Variants in KPNA4 observed in about 807,000 individuals in gnomAD.
The protein encoded by KPNA4 is importin subunit alpha-3.
In KPNA4, 13 loss-of-function variants were observed where a neutral mutation model predicts 71.3. The observed-to-expected ratio is 0.18, with a 90% confidence interval of 0.12 to 0.29. The LOEUF is 0.29. KPNA4 is among the 10% of genes least tolerant of loss of function. The pLI is 1.00. For missense variants in KPNA4, 334 were observed against 603.2 expected, an observed-to-expected ratio of 0.55 and a Z score of 4.67; for synonymous variants, 189 against 195.2, an observed-to-expected ratio of 0.97 and a Z score of 0.26.
At chr3:160,506,030 G>T (rs1720975830) in intron 15 of KPNA4, among the ~76,000 whole-genome samples, 1 of 152,190 alleles carries the variant, frequency 6.6e-6, no homozygotes, top group African/African-American at 2.4e-5. Context: ...GAAAGCCCAA[G>T]TTCCCCTTTC....
Position 160,521,815 on chromosome 3 carries a change from C to T in KPNA4, c.867G>A (p.Leu289=), listed in dbSNP as rs149592279. 163 of 1,612,372 alleles carry T rather than the reference C, an allele frequency of 1.0e-4. 1 individual carries two copies. In the East Asian group the frequency reaches 1.5e-3, roughly 15 times the overall value. ...MVIDSGIVPH[L]VPLLSHQEVK... Reference sequence around the variant, plus strand: ...CTTCCTGGTGGCTGAGCAGAGGAACCAAATGAGGAACTATTCCAGAGTCTA... The same window carrying T: ...CTTCCTGGTGGCTGAGCAGAGGAACTAAATGAGGAACTATTCCAGAGTCTA... Residue 289 remains leucine, a synonymous_variant, in exon 11 of 17, where the codon TTG becomes TTA. Coordinates refer to ENST00000334256, the MANE Select transcript of KPNA4 (RefSeq NM_002268.5).
intron 11 of KPNA4, 34 bp downstream of exon 11, chr3:160,521,745 G>A: frequency 6.2e-7 from 1 of 1,600,090 alleles, no homozygotes. Flanking sequence ...TTAGTGGTAA[G>A]AAATACTTAT....
At chr3:160,557,434 T>A (rs1185709017) in intron 1 of KPNA4, among the ~76,000 whole-genome samples, 3 of 152,196 alleles carry the variant, frequency 2.0e-5, no homozygotes, top group African/African-American at 7.2e-5. Flanking sequence ...TAGACTATGA[T>A]TTACCTTCTA....
chr3:160,512,894 A>G (rs1721126829), intron 13 of KPNA4, among the ~76,000 whole-genome samples: 1 of 152,178 alleles, frequency 6.6e-6, no homozygotes, highest in Admixed American at 6.5e-5. Flanking sequence ...ATACACAAAG[A>G]ATGACGGAAT....
chr3:160,556,102 G>T (rs1722131107), intron 1 of KPNA4, among the ~76,000 whole-genome samples: 1 of 152,220 alleles, frequency 6.6e-6, no homozygotes, highest in Admixed American at 6.5e-5. Flanking sequence ...CAAAGTGCTT[G>T]GGATTACAGG....
chr3:160,532,208 G>A (rs1341598005), intron 5 of KPNA4, among the ~76,000 whole-genome samples: 7 of 152,178 alleles, frequency 4.6e-5, no homozygotes, highest in Non-Finnish European at 1.0e-4. Flanking sequence ...ATAATTTTGA[G>A]TTCAGAGAAA....
Position 160,555,422 on chromosome 3 carries a change from C to G in KPNA4, c.69+9792G>C, listed in dbSNP as rs191960517. Among the ~76,000 whole-genome samples, 3 of 152,274 alleles carry G rather than the reference C, an allele frequency of 2.0e-5. No homozygotes were observed. In the East Asian group the frequency reaches 5.8e-4, roughly 29 times the overall value. ...CCCCTTATCTGCACAGGGTGTGTTCCAAGACCCCCAGTAGATGCCTGAAGC... is the reference window on the plus strand; with the variant it reads ...CCCCTTATCTGCACAGGGTGTGTTCGAAGACCCCCAGTAGATGCCTGAAGC... On this transcript the variant is annotated intron_variant, in intron 1 of 16. Transcript: ENST00000334256.
intron 12 of KPNA4, chr3:160,515,118 C>G (rs748475435): frequency 1.9e-6 from 1 of 520,506 alleles, no homozygotes. Context: ...CACATGCATA[C>G]ACACTCTCTA....
rs537991334 is a variant in KPNA4, at chr3:160,498,300, A to G, written c.*3804T>C. The G allele has an allele frequency of 3.9e-5, 6 of 152,234 alleles. No homozygotes were observed. The highest frequency in any genetic ancestry group is 8.8e-5 in the Non-Finnish European group (6 of 68,040). 9.4% of individuals were successfully genotyped at this position (152,234 alleles called of 1,614,324 possible). Reference sequence around the variant, plus strand: ...TTGATCCCCAAATAAGCTTGCTATGATAACTATATAAGGCTATCACTTGTA... The same window carrying G: ...TTGATCCCCAAATAAGCTTGCTATGGTAACTATATAAGGCTATCACTTGTA... On this transcript the variant is annotated 3_prime_UTR_variant, in exon 17 of 17. Transcript: ENST00000334256.
At chr3:160,516,742 A>T (rs947230590) in intron 11 of KPNA4, among the ~76,000 whole-genome samples, 2 of 152,070 alleles carry the variant, frequency 1.3e-5, no homozygotes, top group African/African-American at 4.8e-5. Flanking sequence ...ACTGCACTCC[A>T]GCCTGGACAA....
chr3:160,560,703 C>G (rs1428340274), intron 1 of KPNA4, among the ~76,000 whole-genome samples: 1 of 151,952 alleles, frequency 6.6e-6, no homozygotes, highest in Admixed American at 6.6e-5. Context: ...AAAATAAGGG[C>G]ATCTTGGTAT....
chr3:160,524,921 A>G (rs1196895935), intron 10 of KPNA4, among the ~76,000 whole-genome samples: 1 of 152,260 alleles, frequency 6.6e-6, no homozygotes, highest in Admixed American at 6.5e-5. Flanking sequence ...AAAGAAATGA[A>G]GCAGCTTGTC....
chr3:160,537,622 A>C (rs1306636377), intron 1 of KPNA4, among the ~76,000 whole-genome samples: 2 of 148,718 alleles, frequency 1.3e-5, no homozygotes, highest in African/African-American at 5.0e-5. Context: ...AGCGGTAACA[A>C]CTCAGAAAGT....
intron 1 of KPNA4, among the ~76,000 whole-genome samples, chr3:160,554,086 G>A (rs986616862): frequency 6.6e-6 from 1 of 152,178 alleles, no homozygotes; most frequent in East Asian, 1.9e-4. Context: ...GGGTAGAAGG[G>A]AAAGTCAGTG....
In KPNA4 at chr3:160,525,892, A is replaced by G. The variant is rs762661048; in HGVS notation, c.726+46T>C. 8 of 1,519,412 alleles carry G rather than the reference A, an allele frequency of 5.3e-6. No homozygotes were observed. The Admixed American group carries it at 1.5e-4, about 28-fold the overall frequency. 94.1% of individuals were successfully genotyped at this position (1,519,412 alleles called of 1,614,324 possible). A position where few individuals can be genotyped will look rare whatever the true frequency, so the allele number is the denominator to read the frequency against. On this transcript the variant is annotated intron_variant, in intron 9 of 16. Coordinates refer to ENST00000334256, the MANE Select transcript of KPNA4 (RefSeq NM_002268.5). The stretch of plus-strand genomic sequence containing the variant: ...TTAAAAACATACACAAATAAAAAAT[A>G]TATATATAATGGTATCTCTTTTAAT...
chr3:160,531,055 T>C, intron 6 of KPNA4, 115 bp from the exon 7 acceptor site: 1 of 703,666 alleles, frequency 1.4e-6, no homozygotes, highest in Middle Eastern at 2.8e-4. Context: ...TCAAAAGTTA[T>C]CTATCCATCC....
Position 160,495,549 on chromosome 3 carries a change from ATAT to A in KPNA4, c.*6552_*6554del, listed in dbSNP as rs1720740466. ...GAAGATTTTAAAAACTAGCTTGTCT[ATAT>A]GAGTTCTATAAACATATGTAATTTT... On this transcript the variant is annotated 3_prime_UTR_variant, in exon 17 of 17. Coordinates refer to ENST00000334256, the MANE Select transcript of KPNA4 (RefSeq NM_002268.5). The A allele has an allele frequency of 6.6e-6, 1 of 152,116 alleles. No homozygotes were observed. Among genetic ancestry groups the A allele is most frequent in the Non-Finnish European group, 1.5e-5 (1 of 68,028 alleles). 9.4% of individuals were successfully genotyped at this position (152,116 alleles called of 1,614,324 possible).
chr3:160,535,265 T>C (rs970128322), intron 5 of KPNA4, among the ~76,000 whole-genome samples: 1 of 152,228 alleles, frequency 6.6e-6, no homozygotes, highest in Non-Finnish European at 1.5e-5. Context: ...GGCATCTGTA[T>C]GCATTATGTA....
At chr3:160,509,569 A>G (rs969869414) in intron 14 of KPNA4, among the ~76,000 whole-genome samples, 3 of 152,168 alleles carry the variant, frequency 2.0e-5, no homozygotes, top group African/African-American at 7.2e-5. Flanking sequence ...TACCTGTTAT[A>G]TAAAAGTTAG....
Sources: gnomAD v4.1 joint callset for allele counts (sites outside exome capture counted in the v4.1 genomes callset) on GRCh38, gnomAD v4.1.1 for gene constraint, MANE v1.5 for transcripts, NCBI Gene and HGNC (gene_info 2026-07-23, HGNC 2026-07-21) for gene names.